Variants in SUCLG2 observed in about 807,000 individuals in gnomAD.
The protein encoded by SUCLG2 is succinate--CoA ligase [GDP-forming] subunit beta, mitochondrial.
In SUCLG2, 42 loss-of-function variants were observed where a neutral mutation model predicts 47.9. That is an observed-to-expected ratio of 0.88 (90% CI 0.69 to 1.14). The LOEUF (loss-of-function observed/expected upper bound fraction) is 1.14, where lower values mean the gene tolerates loss of function less well. SUCLG2 is among the 50% of genes most tolerant of loss of function. The pLI is 0.00. For missense variants in SUCLG2, 571 were observed against 525.9 expected (o/e 1.09, Z -0.84); for synonymous variants, 195 against 197.3 (o/e 0.99, Z 0.10).
At chr3:67,457,303 A>G (rs369465512) in intron 9 of SUCLG2, among the ~76,000 whole-genome samples, 1 of 152,216 alleles carries the variant, frequency 6.6e-6, no homozygotes, top group Non-Finnish European at 1.5e-5. Context: ...CAGATTTTCA[A>G]TTTCCTTCTC....
chr3:67,476,740 T>C (rs1704770396), intron 9 of SUCLG2, among the ~76,000 whole-genome samples: 2 of 152,122 alleles, frequency 1.3e-5, no homozygotes, highest in Non-Finnish European at 2.9e-5. Flanking sequence ...CATAATATTC[T>C]CCTAACAATG....
At chr3:67,604,930 A>G (rs1482518647) in intron 2 of SUCLG2, among the ~76,000 whole-genome samples, 2 of 152,224 alleles carry the variant, frequency 1.3e-5, no homozygotes, top group Non-Finnish European at 2.9e-5. Context: ...ATTATTTACA[A>G]ATCTTTCTAA....
At chr3:67,361,408 A>T (rs188506869) in intron 10 of SUCLG2, among the ~76,000 whole-genome samples, 2 of 152,348 alleles carry the variant, frequency 1.3e-5, no homozygotes, top group Admixed American at 1.3e-4. Flanking sequence ...AGAAACTGTG[A>T]ATCATGAGCA....
At chr3:67,532,963 T>C (rs1243254000) in intron 2 of SUCLG2, among the ~76,000 whole-genome samples, 3 of 152,092 alleles carry the variant, frequency 2.0e-5, no homozygotes, top group Admixed American at 2.0e-4. Flanking sequence ...TTGGAAGCAG[T>C]AGGTCTAAAG....
intron 2 of SUCLG2, among the ~76,000 whole-genome samples, chr3:67,568,662 C>T (rs926587696): frequency 6.6e-5 from 10 of 152,008 alleles, no homozygotes; most frequent in Admixed American, 3.3e-4. Context: ...CCGAGGCGGG[C>T]GGATCACGAG....
chr3:67,546,256 C>T (rs1201432924), intron 2 of SUCLG2, among the ~76,000 whole-genome samples: 1 of 152,098 alleles, frequency 6.6e-6, no homozygotes, highest in Non-Finnish European at 1.5e-5. Flanking sequence ...CAAGACAGCA[C>T]AGGAAAATAC....
chr3:67,444,055 G>T (rs1173432148), intron 9 of SUCLG2, among the ~76,000 whole-genome samples: 1 of 116,640 alleles, frequency 8.6e-6, no homozygotes. Flanking sequence ...GTCCGGGAGG[G>T]AGGTGGAGGG....
chr3:67,633,623 T>C (rs1700962071), intron 1 of SUCLG2, among the ~76,000 whole-genome samples: 1 of 152,194 alleles, frequency 6.6e-6, no homozygotes, highest in Non-Finnish European at 1.5e-5. Flanking sequence ...TTGTAGTAAA[T>C]GCCAGTTAAA....
chr3:67,382,440 G>C (rs1429105875), intron 10 of SUCLG2, among the ~76,000 whole-genome samples: 1 of 152,180 alleles, frequency 6.6e-6, no homozygotes, highest in Non-Finnish European at 1.5e-5. Context: ...CAGACAATTT[G>C]CTTGGATCAA....
chr3:67,514,907 C>G (rs776150344), intron 6 of SUCLG2, among the ~76,000 whole-genome samples: 2 of 152,118 alleles, frequency 1.3e-5, no homozygotes, highest in South Asian at 4.1e-4. Context: ...GATCCCTGAC[C>G]ATTGACATCA....
chr3:67,582,516 A>G (rs1373236954), intron 2 of SUCLG2, among the ~76,000 whole-genome samples: 1 of 152,198 alleles, frequency 6.6e-6, no homozygotes, highest in Non-Finnish European at 1.5e-5. Context: ...CCGGTCTACC[A>G]GTGATGGGCA....
At position 67,374,877 on chromosome 3, in the gene SUCLG2, T is replaced by G; in HGVS notation, c.*867A>C. On this transcript the variant is annotated 3_prime_UTR_variant, in exon 11 of 11. Transcript: ENST00000307227. ...AGGTTCCCATCTTTCTACCATAAAC[T>G]GGTAGATTCTGGGAGGATGAGGAGT... The G allele has an allele frequency of 1.0e-6, 1 of 985,080 alleles. No homozygotes were observed. Among genetic ancestry groups the G allele is most frequent in the South Asian group, 4.7e-5 (1 of 21,268 alleles). The allele number at this position is 985,080 out of a possible 1,614,324, so 61.0% of individuals were successfully genotyped here.
intron 9 of SUCLG2, among the ~76,000 whole-genome samples, chr3:67,447,090 CA>C (rs1443987994): frequency 2.0e-5 from 3 of 152,108 alleles, no homozygotes; most frequent in Admixed American, 2.0e-4. Context: ...AGTGTGTTGT[CA>C]AAATGCAGAT....
At chr3:67,392,671 T>C (rs1397329258) in intron 10 of SUCLG2, among the ~76,000 whole-genome samples, 1 of 152,160 alleles carries the variant, frequency 6.6e-6, no homozygotes, top group Admixed American at 6.5e-5. Context: ...TAAAAACCAC[T>C]TTCATAGTTA....
intron 2 of SUCLG2, among the ~76,000 whole-genome samples, chr3:67,558,288 C>A (rs937483391): frequency 4.0e-5 from 6 of 151,188 alleles, no homozygotes; most frequent in African/African-American, 1.5e-4. Flanking sequence ...CCATATGGTG[C>A]CTCATAAGAA....
intron 2 of SUCLG2, among the ~76,000 whole-genome samples, chr3:67,556,882 G>A (rs1277143269): frequency 6.6e-6 from 1 of 152,144 alleles, no homozygotes; most frequent in African/African-American, 2.4e-5. Flanking sequence ...AATTGAGCAG[G>A]AATAGAAGAA....
intron 9 of SUCLG2, among the ~76,000 whole-genome samples, chr3:67,447,784 C>A (rs1429931849): frequency 3.3e-5 from 5 of 152,170 alleles, no homozygotes; most frequent in Non-Finnish European, 7.3e-5. Flanking sequence ...GGATGGAGTG[C>A]AGTGGTGCAA....
At chr3:67,491,809 A>T (rs1046601695) in intron 9 of SUCLG2, among the ~76,000 whole-genome samples, 1 of 152,216 alleles carries the variant, frequency 6.6e-6, no homozygotes, top group African/African-American at 2.4e-5. Flanking sequence ...TGTCATATGA[A>T]ATTATTTTCC....
chr3:67,608,514 A>T (rs916161048), intron 2 of SUCLG2, among the ~76,000 whole-genome samples: 14 of 151,784 alleles, frequency 9.2e-5, no homozygotes, highest in African/African-American at 3.4e-4. Context: ...GCTTCCATCC[A>T]CTCCCTGCAC....
Sources: allele counts gnomAD v4.1 joint callset (sites outside exome capture counted in the v4.1 genomes callset), GRCh38; gene constraint gnomAD v4.1.1; transcripts MANE v1.5; gene names NCBI Gene and HGNC (gene_info 2026-07-23, HGNC 2026-07-21).